DCDC2C: variants seen among roughly 807,000 people sequenced by gnomAD.
DCDC2C encodes the protein doublecortin domain-containing protein 2C.
In DCDC2C, 44 loss-of-function variants were observed where a neutral mutation model predicts 45.0. The ratio of observed to expected loss-of-function variants is 0.98; its 90% CI spans 0.77 to 1.26. DCDC2C has a LOEUF of 1.26. Ranked by LOEUF, DCDC2C falls within the 50% of genes most tolerant of loss-of-function variation. The pLI, the probability that DCDC2C is intolerant of heterozygous loss-of-function variation, is 0.00. For missense variants in DCDC2C, 447 were observed against 468.9 expected, an observed-to-expected ratio of 0.95 and a Z score of 0.43; for synonymous variants, 187 against 178.8, an observed-to-expected ratio of 1.05 and a Z score of -0.37.
In DCDC2C at chr2:3,742,084, C is replaced by T. The variant is rs113574630; in HGVS notation, c.545+36C>T. 8.8e-3 allele frequency: 13,120 copies of T among 1,488,740 alleles called. 63 individuals are homozygous for T. The highest frequency in any genetic ancestry group is 0.01 in the Non-Finnish European group (11,550 of 1,119,260). The allele number at this position is 1,488,740 out of a possible 1,614,324, so 92.2% of individuals were successfully genotyped here. Reference sequence around the variant, plus strand: ...TCTCGCCTTTAGGACAGCCAGGGGGCGGCAGCTTGTGTTTATTCTTTCTAT... The same window carrying T: ...TCTCGCCTTTAGGACAGCCAGGGGGTGGCAGCTTGTGTTTATTCTTTCTAT... On this transcript the variant is annotated intron_variant, in intron 4 of 10. Coordinates refer to ENST00000399143, the MANE Select transcript of DCDC2C (RefSeq NM_001287444.2).
In DCDC2C at chr2:3,703,908, C is replaced by T; in HGVS notation, c.157C>T (p.Gln53Ter). The T allele has an allele frequency of 7.4e-7, 1 of 1,343,468 alleles. No homozygotes were observed. Among genetic ancestry groups the T allele is most frequent in the Middle Eastern group, 2.6e-4 (1 of 3,882 alleles). The allele number at this position is 1,343,468 out of a possible 1,614,324, so 83.2% of individuals were successfully genotyped here. A position where few individuals can be genotyped will look rare whatever the true frequency, so the allele number is the denominator to read the frequency against. The change falls in exon 1 of 11, where the codon CAG (glutamine) becomes TAG (stop). Residue 53 changes from glutamine to a stop codon, truncating the protein, a stop_gained. Coordinates refer to ENST00000399143, the MANE Select transcript of DCDC2C (RefSeq NM_001287444.2). LOFTEE classifies it high-confidence loss of function. The surrounding 1 kb of genome is among the most constrained non-coding windows in gnomAD (Gnocchi z 4.4). Reference sequence around the variant, plus strand: ...GGCGCTGCTGGAGCAGCTCACGGAGCAGGTGGACGTCCCGTTCGGCGTGCG... The same window carrying T: ...GGCGCTGCTGGAGCAGCTCACGGAGTAGGTGGACGTCCCGTTCGGCGTGCG... ...FEALLEQLTE[Q>*]VDVPFGVRRL...
At chr2:3,806,839 G>T (rs1026988275) in intron 10 of DCDC2C, among the ~76,000 whole-genome samples, 1 of 152,130 alleles carries the variant, frequency 6.6e-6, no homozygotes, top group African/African-American at 2.4e-5. Flanking sequence ...GAGCCACTGC[G>T]CCTGGCCCAT....
In DCDC2C at chr2:3,845,301, G is replaced by C. The variant is rs146735132; in HGVS notation, c.1066-1853G>C. ...ACTCCATTTGGGTAGTTGTCTTTTT[G>C]TTTCTGTTACCAAGCGAGAGAAGAC... is the stretch of plus-strand genomic sequence containing the variant. On this transcript the variant is annotated intron_variant, in intron 10 of 10. Transcript: ENST00000399143. 2.9e-3 allele frequency among the ~76,000 whole-genome samples: 441 copies of C among 152,298 alleles called. 3 individuals are homozygous for C. The highest frequency in any genetic ancestry group is 9.9e-3 in the African/African-American group (413 of 41,564).
At chr2:3,782,716 T>G (rs1475629316) in intron 9 of DCDC2C, among the ~76,000 whole-genome samples, 1 of 152,134 alleles carries the variant, frequency 6.6e-6, no homozygotes, top group Non-Finnish European at 1.5e-5. Flanking sequence ...CCTGACCTCA[T>G]GATCCACCCA....
intron 10 of DCDC2C, among the ~76,000 whole-genome samples, chr2:3,805,558 G>A (rs1243424123): frequency 6.6e-6 from 1 of 152,186 alleles, no homozygotes; most frequent in Non-Finnish European, 1.5e-5. Context: ...AACAAATAAT[G>A]TGTCACCTTG....
chr2:3,709,497 G>A (rs1187905870), intron 2 of DCDC2C, among the ~76,000 whole-genome samples: 1 of 152,248 alleles, frequency 6.6e-6, no homozygotes, highest in African/African-American at 2.4e-5. Flanking sequence ...GCGTTCCGCT[G>A]CCTTCTTGGA....
At chr2:3,730,350 ATTAT>A (rs968132397) in intron 3 of DCDC2C, among the ~76,000 whole-genome samples, 18 of 152,296 alleles carry the variant, frequency 1.2e-4, no homozygotes, top group African/African-American at 4.1e-4. Flanking sequence ...AGTGGAGGAA[ATTAT>A]TTAAAGGGAG....
At chr2:3,744,793 C>T (rs1271551550) in intron 4 of DCDC2C, among the ~76,000 whole-genome samples, 1 of 152,166 alleles carries the variant, frequency 6.6e-6, no homozygotes, top group Non-Finnish European at 1.5e-5. Flanking sequence ...CATGAGTAAC[C>T]TCGTGGCAGT....
chr2:3,837,156 A>G (rs1001243811), intron 10 of DCDC2C, among the ~76,000 whole-genome samples: 3 of 152,160 alleles, frequency 2.0e-5, no homozygotes, highest in East Asian at 3.9e-4. Context: ...CTCAGTAGGA[A>G]CACAAGTACA....
At chr2:3,704,111 G>C (rs567510088) in intron 1 of DCDC2C, 73 bp downstream of exon 1, 13 of 1,179,952 alleles carry the variant, frequency 1.1e-5, no homozygotes, top group Non-Finnish European at 1.4e-5. Flanking sequence ...GGTCAGGGCC[G>C]TGCCCCCCAG....
chr2:3,800,430 A>G (rs1369532309), intron 10 of DCDC2C, among the ~76,000 whole-genome samples: 1 of 152,212 alleles, frequency 6.6e-6, no homozygotes, highest in Non-Finnish European at 1.5e-5. Context: ...CTCAAATTTT[A>G]TTGTTCAACC....
chr2:3,804,174 TC>T (rs75886697), intron 10 of DCDC2C, among the ~76,000 whole-genome samples: 19,896 of 152,148 alleles, frequency 0.13, 1,442 homozygotes, highest in East Asian at 0.28. Context: ...AGAGCCCTGG[TC>T]ATAGAGTAGG....
At chr2:3,766,812 T>C (rs746481425) in intron 6 of DCDC2C, among the ~76,000 whole-genome samples, 5 of 152,224 alleles carry the variant, frequency 3.3e-5, no homozygotes, top group Non-Finnish European at 5.9e-5. Flanking sequence ...TTTTGTATCA[T>C]AAAGATAGTT....
At chr2:3,837,609 G>T in intron 10 of DCDC2C, among the ~76,000 whole-genome samples, 2 of 104,638 alleles carry the variant, frequency 1.9e-5, no homozygotes, top group Non-Finnish European at 4.5e-5. Flanking sequence ...ATCTAAAGGG[G>T]AAGAAACTGA....
chr2:3,827,274 C>T (rs972053705), intron 10 of DCDC2C, among the ~76,000 whole-genome samples: 1 of 149,696 alleles, frequency 6.7e-6, no homozygotes, highest in East Asian at 2.0e-4. Context: ...TGTTGGACAC[C>T]AAAAGGCAAA....
chr2:3,751,205 T>TG (rs1483086125), intron 4 of DCDC2C, among the ~76,000 whole-genome samples: 2 of 152,224 alleles, frequency 1.3e-5, no homozygotes, highest in Non-Finnish European at 2.9e-5. Flanking sequence ...GCAGTTGCTT[T>TG]GGGGGTGCCC....
intron 3 of DCDC2C, among the ~76,000 whole-genome samples, chr2:3,729,449 C>A (rs561023566): frequency 1.5e-4 from 23 of 152,192 alleles, no homozygotes; most frequent in Non-Finnish European, 2.8e-4. Flanking sequence ...GAGCTGAGTT[C>A]CACTCTGATT....
intron 10 of DCDC2C, among the ~76,000 whole-genome samples, chr2:3,820,149 T>C (rs1182515082): frequency 6.6e-6 from 1 of 152,190 alleles, no homozygotes; most frequent in Admixed American, 6.5e-5. Flanking sequence ...GTCAGGCACC[T>C]CAGACCATTT....
chr2:3,797,995 A>G (rs369959153), intron 10 of DCDC2C, among the ~76,000 whole-genome samples: 9 of 151,752 alleles, frequency 5.9e-5, no homozygotes, highest in African/African-American at 1.2e-4. Flanking sequence ...TTATTAATGT[A>G]TGGGAGTCTA....
Sources: allele counts gnomAD v4.1 joint callset (sites outside exome capture counted in the v4.1 genomes callset), GRCh38; gene constraint gnomAD v4.1.1; non-coding constraint Gnocchi (gnomAD v3.1); transcripts MANE v1.5; gene names NCBI Gene and HGNC (gene_info 2026-07-23, HGNC 2026-07-21).